Variants in ZBTB8OS observed in about 807,000 individuals in gnomAD.
ZBTB8OS encodes tRNA-splicing ligase-activating factor archease.
A neutral mutation model predicts 29.3 loss-of-function variants in ZBTB8OS; 16 were observed. That is an observed-to-expected ratio of 0.55 (90% CI 0.37 to 0.83). ZBTB8OS has a LOEUF of 0.83. Among genes scored for constraint, ZBTB8OS ranks in the 40% least tolerant of loss-of-function variants. The pLI is 0.00. For synonymous variants in ZBTB8OS, 70 were observed against 64.6 expected, an observed-to-expected ratio of 1.08 and a Z score of -0.40; for missense variants, 160 against 196.9, an observed-to-expected ratio of 0.81 and a Z score of 1.12.
intron 1 of ZBTB8OS, among the ~76,000 whole-genome samples, chr1:32,639,681 C>CA (rs1646253347): frequency 6.6e-6 from 1 of 151,970 alleles, no homozygotes; most frequent in African/African-American, 2.4e-5. Context: ...ACTGCCTGAC[C>CA]CTAGGAGCTT....
chr1:32,634,350 A>C (rs1645797198), intron 2 of ZBTB8OS: 1 of 300,928 alleles, frequency 3.3e-6, no homozygotes, highest in South Asian at 8.5e-5. Flanking sequence ...CCTCAGCCTC[A>C]CAAGTAGCTG....
At chr1:32,650,669 A>T, upstream of ZBTB8OS, 1 of 1,497,334 alleles carries the variant, frequency 6.7e-7, no homozygotes, top group Non-Finnish European at 9.1e-7. Context: ...CTGTTGACCT[A>T]CTTTAGTCCC....
intron 2 of ZBTB8OS, chr1:32,634,292 T>C (rs1231559300): frequency 2.3e-5 from 8 of 350,416 alleles, no homozygotes; most frequent in Admixed American, 1.3e-4. Flanking sequence ...AGTAGTGCGA[T>C]CTCGGGTCAC....
chr1:32,627,683 ATT>A (rs1434489130), intron 5 of ZBTB8OS, 139 bp from the exon 6 acceptor site: 2 of 718,494 alleles, frequency 2.8e-6, no homozygotes, highest in Non-Finnish European at 4.7e-6. Flanking sequence ...TTTCATTTTC[ATT>A]TGTCAGAAGA....
intron 1 of ZBTB8OS, among the ~76,000 whole-genome samples, chr1:32,647,599 T>G (rs1447410621): frequency 6.6e-6 from 1 of 152,160 alleles, no homozygotes; most frequent in African/African-American, 2.4e-5. Flanking sequence ...CTAACATTAC[T>G]GCCTGAGCTC....
rs766862280 is a variant in ZBTB8OS at position 32,634,030 on chromosome 1, T to C, written c.165A>G (p.Gln55=). ...TGTAACCAAACATGGCCATTGCACA[T>C]TGCTCAAATGCTTCCTCCAGAGTAT... The part of the protein sequence containing the change: ...WGDTLEEAFE[Q]CAMAMFGYMT... Residue 55 remains glutamine, a synonymous_variant, in exon 3 of 7, where the codon CAA becomes CAG. Transcript: ENST00000468695. 6.2e-7 allele frequency: 1 copy of C among 1,604,090 alleles called. No individual in the cohort carries two copies. The highest frequency in any genetic ancestry group is 8.5e-7 in the Non-Finnish European group (1 of 1,177,752).
At position 32,648,096 on chromosome 1, in the gene ZBTB8OS, AAT is replaced by A. The variant is rs1490216954; in HGVS notation, c.97+2335_97+2336del. Among the ~76,000 whole-genome samples the A allele has an allele frequency of 4.6e-5, 7 of 152,338 alleles. No homozygotes were observed. In the East Asian group the frequency reaches 9.6e-4, roughly 21 times the overall value. ...AAGAATATTAACATACACACCCCAG[AAT>A]GGGAAATACAAATAGCTTCCAAAAC... On this transcript the variant is annotated intron_variant, in intron 1 of 6. Coordinates refer to ENST00000468695, the MANE Select transcript of ZBTB8OS (RefSeq NM_178547.5).
intron 1 of ZBTB8OS, among the ~76,000 whole-genome samples, chr1:32,643,717 G>A (rs1394428217): frequency 6.6e-6 from 1 of 151,802 alleles, no homozygotes; most frequent in Non-Finnish European, 1.5e-5. Flanking sequence ...GGCTGGTCTT[G>A]AACTCCTGAC....
intron 6 of ZBTB8OS, among the ~76,000 whole-genome samples, chr1:32,625,227 AAAAAG>A (rs1023646142): frequency 1.3e-5 from 2 of 150,562 alleles, no homozygotes; most frequent in African/African-American, 4.9e-5. Context: ...TCTCAAAAAA[AAAAAG>A]AAAGAATAAT....
chr1:32,627,901 T>C (rs1645236699), intron 5 of ZBTB8OS: 2 of 188,756 alleles, frequency 1.1e-5, no homozygotes, highest in Admixed American at 1.2e-4. Context: ...AAAAGTTAGC[T>C]GGGTGTGGTG....
In ZBTB8OS at chr1:32,621,235, CTAAAGATACAAAAAT is replaced by C. The variant is rs932130171; in HGVS notation, c.*612_*626del. On this transcript the variant is annotated 3_prime_UTR_variant, in exon 7 of 7. Coordinates refer to ENST00000468695, the MANE Select transcript of ZBTB8OS (RefSeq NM_178547.5). ...CTAACACAGTGAAACCCCGTCTCTA[CTAAAGATACAAAAAT>C]TAGCCGGGCATGGTGGCGGGTGCCT... The C allele has an allele frequency of 5.3e-5, 8 of 152,308 alleles. No homozygotes were observed. The highest frequency in any genetic ancestry group is 4.6e-4 in the Admixed American group (7 of 15,276). The allele number at this position is 152,308 out of a possible 1,614,324, so 9.4% of individuals were successfully genotyped here.
rs546700992 is a variant in ZBTB8OS, at chr1:32,638,016, A to G, written c.98-3224T>C. The stretch of plus-strand genomic sequence containing the variant: ...GCCTGGCTAATTTTTTGTATTTTTT[A>G]AGTATAGACAGGATTTTGCCATGTT... On this transcript the variant is annotated intron_variant, in intron 1 of 6. Transcript: ENST00000468695. 7.9e-5 allele frequency among the ~76,000 whole-genome samples: 12 copies of G among 151,638 alleles called. No individual in the cohort carries two copies. In the East Asian group the frequency reaches 2.0e-3, roughly 25 times the overall value.
chr1:32,637,878 G>T (rs79390557), intron 1 of ZBTB8OS, among the ~76,000 whole-genome samples: 10,135 of 151,964 alleles, frequency 0.067, 1,111 homozygotes, highest in African/African-American at 0.23. Context: ...CTGTAGCCCC[G>T]GCTGGAGTGC....
chr1:32,649,597 C>A (rs1249821198), intron 1 of ZBTB8OS, among the ~76,000 whole-genome samples: 3 of 151,682 alleles, frequency 2.0e-5, no homozygotes, highest in African/African-American at 7.3e-5. Context: ...CCATTGCACT[C>A]CAGCCTGGAC....
At chr1:32,633,835 G>T in intron 3 of ZBTB8OS, 108 bp from the exon 4 acceptor site, 1 of 1,469,002 alleles carries the variant, frequency 6.8e-7, no homozygotes, top group Non-Finnish European at 9.1e-7. Flanking sequence ...AGAAAGAAAA[G>T]ACTCATCCTT....
intron 5 of ZBTB8OS, among the ~76,000 whole-genome samples, chr1:32,630,905 C>T (rs1369271312): frequency 4.0e-5 from 6 of 151,754 alleles, no homozygotes; most frequent in African/African-American, 7.2e-5. Context: ...CTCAGCTACT[C>T]GGGAGGCTGA....
intron 2 of ZBTB8OS, chr1:32,634,520 C>A (rs771072997): frequency 1.5e-4 from 82 of 553,928 alleles, no homozygotes; most frequent in Non-Finnish European, 2.3e-4. Context: ...GCCACCACAC[C>A]CGGCCTTATT....
chr1:32,631,745 T>C (rs1275717573), intron 5 of ZBTB8OS, 82 bp downstream of exon 5: 1 of 1,084,772 alleles, frequency 9.2e-7, no homozygotes, highest in Non-Finnish European at 1.4e-6. Flanking sequence ...CTCTGATTTA[T>C]GTTTCCATCT....
intron 1 of ZBTB8OS, among the ~76,000 whole-genome samples, chr1:32,641,293 A>C (rs1276065790): frequency 1.9e-5 from 1 of 53,996 alleles, no homozygotes. Flanking sequence ...TTTTTTTTTG[A>C]GACAGATTTT....
Sources: gnomAD v4.1 joint callset for allele counts (sites outside exome capture counted in the v4.1 genomes callset) on GRCh38, gnomAD v4.1.1 for gene constraint, MANE v1.5 for transcripts, NCBI Gene and HGNC (gene_info 2026-07-23, HGNC 2026-07-21) for gene names.